Variants in RASSF8 observed in about 807,000 individuals in gnomAD.
The protein encoded by RASSF8 is Ras association domain family member 8, also known as ras association domain-containing protein 8.
In RASSF8, 22 loss-of-function variants were observed where a neutral mutation model predicts 48.5. The ratio of observed to expected loss-of-function variants is 0.45; its 90% CI spans 0.32 to 0.65. The LOEUF (loss-of-function observed/expected upper bound fraction) is 0.65. Ranked by LOEUF, RASSF8 falls within the 30% of genes least tolerant of loss-of-function variation. The probability of loss-of-function intolerance (pLI) is 0.03; values close to 1 mark genes in which losing one functional copy is unlikely to be tolerated. For synonymous variants in RASSF8, 127 were observed against 171.5 expected, an observed-to-expected ratio of 0.74 and a Z score of 2.03; for missense variants, 418 against 489.2, an observed-to-expected ratio of 0.85 and a Z score of 1.37.
At position 26,051,576 on chromosome 12, in the gene RASSF8, C is replaced by T. The variant is rs570556857; in HGVS notation, c.-108-3660C>T. The stretch of plus-strand genomic sequence containing the variant: ...TTGGCAGACCAAAATTTACCCAAAT[C>T]GTTAATTCAGAAATAAGTGCTATTC... On this transcript the variant is annotated intron_variant, in intron 2 of 5. Transcript: ENST00000689635. 2.0e-5 allele frequency among the ~76,000 whole-genome samples: 3 copies of T among 152,174 alleles called. No homozygotes were observed. In the East Asian group the frequency reaches 5.8e-4, roughly 29 times the overall value.
intron 2 of RASSF8, among the ~76,000 whole-genome samples, chr12:26,032,616 T>C (rs1487026001): frequency 2.0e-5 from 3 of 152,176 alleles, no homozygotes; most frequent in East Asian, 1.9e-4. Flanking sequence ...TATATTTACC[T>C]GCAATTTATA....
intron 2 of RASSF8, among the ~76,000 whole-genome samples, chr12:26,004,179 A>G (rs1178732753): frequency 1.3e-5 from 2 of 152,188 alleles, no homozygotes; most frequent in Non-Finnish European, 2.9e-5. Flanking sequence ...CCTGTCTCAA[A>G]CATAAAAAAC....
chr12:26,055,742 A>G (rs74071684), intron 3 of RASSF8, among the ~76,000 whole-genome samples: 2,140 of 152,328 alleles, frequency 0.014, 48 homozygotes, highest in African/African-American at 0.05. Flanking sequence ...ATGAGCCAAA[A>G]TTTAGACCCA....
At chr12:26,012,864 C>T (rs544745814) in intron 2 of RASSF8, among the ~76,000 whole-genome samples, 4 of 151,862 alleles carry the variant, frequency 2.6e-5, no homozygotes, top group South Asian at 4.2e-4. Flanking sequence ...TTTGTAAAGA[C>T]GGAGTCTCAC....
At chr12:25,962,207 A>G (rs911476592) in intron 1 of RASSF8, among the ~76,000 whole-genome samples, 1 of 152,158 alleles carries the variant, frequency 6.6e-6, no homozygotes, top group African/African-American at 2.4e-5. Context: ...TCTTGCTGTC[A>G]TCTTGGCCAG....
exon 6 of RASSF8, chr12:26,079,773 C>T (rs1944101966): frequency 6.6e-6 from 1 of 152,036 alleles, no homozygotes; most frequent in Admixed American, 6.6e-5. Flanking sequence ...CAAGTGTCAG[C>T]AAGGGTCTGG....
chr12:26,074,042 GAAACTT>G (rs1212050795), downstream of RASSF8, among the ~76,000 whole-genome samples: 2 of 151,940 alleles, frequency 1.3e-5, no homozygotes, highest in Non-Finnish European at 2.9e-5. Context: ...GATGAAATGA[GAAACTT>G]AAAGTCATTC....
chr12:26,040,478 A>C (rs1406305795), intron 2 of RASSF8, among the ~76,000 whole-genome samples: 3 of 152,216 alleles, frequency 2.0e-5, no homozygotes, highest in Non-Finnish European at 2.9e-5. Context: ...AGTTTGGAAG[A>C]GGCAGGAAAG....
intron 4 of RASSF8, among the ~76,000 whole-genome samples, chr12:26,066,563 T>C (rs1943879165): frequency 6.6e-6 from 1 of 152,224 alleles, no homozygotes; most frequent in African/African-American, 2.4e-5. Flanking sequence ...CTATTGGGAT[T>C]CATTTTGACA....
At chr12:26,000,634 A>T (rs1326475368) in intron 2 of RASSF8, among the ~76,000 whole-genome samples, 1 of 152,198 alleles carries the variant, frequency 6.6e-6, no homozygotes, top group African/African-American at 2.4e-5. Flanking sequence ...CCTAGATGGT[A>T]TAGCCTCCTA....
At chr12:25,960,046 A>AT (rs1443179048) in intron 1 of RASSF8, among the ~76,000 whole-genome samples, 1 of 150,328 alleles carries the variant, frequency 6.7e-6, no homozygotes, top group African/African-American at 2.5e-5. Context: ...AAAGCATTTC[A>AT]TTAAAAAAAA....
chr12:26,023,870 A>C (rs1942844284), intron 2 of RASSF8, among the ~76,000 whole-genome samples: 1 of 152,244 alleles, frequency 6.6e-6, no homozygotes. Flanking sequence ...TAGGTGATGC[A>C]AAGATGTATT....
At chr12:25,969,650 G>A (rs1187603473) in intron 1 of RASSF8, among the ~76,000 whole-genome samples, 1 of 152,118 alleles carries the variant, frequency 6.6e-6, no homozygotes, top group East Asian at 1.9e-4. Flanking sequence ...TGGCGGGGTG[G>A]CTGGAGGATT....
At chr12:26,003,789 A>T (rs979979440) in intron 2 of RASSF8, among the ~76,000 whole-genome samples, 3 of 152,114 alleles carry the variant, frequency 2.0e-5, no homozygotes, top group African/African-American at 2.4e-5. Flanking sequence ...TTTTTAAAAA[A>T]ATCTAAGGTT....
chr12:26,022,875 G>A (rs929914834), intron 2 of RASSF8, among the ~76,000 whole-genome samples: 15 of 152,196 alleles, frequency 9.9e-5, no homozygotes, highest in African/African-American at 3.6e-4. Context: ...CCGAGTAGCT[G>A]GGATTACAGG....
At chr12:25,985,435 T>C (rs961103194) in intron 1 of RASSF8, among the ~76,000 whole-genome samples, 8 of 152,182 alleles carry the variant, frequency 5.3e-5, no homozygotes, top group African/African-American at 1.9e-4. Context: ...TTTAGTTTGG[T>C]GCCTTTCAGA....
chr12:26,052,116 C>T (rs1005173181), intron 2 of RASSF8, among the ~76,000 whole-genome samples: 5 of 152,216 alleles, frequency 3.3e-5, no homozygotes, highest in African/African-American at 1.2e-4. Context: ...AAAACTTTCA[C>T]ACCCTGTGCG....
chr12:26,019,695 A>G (rs1412626461), intron 2 of RASSF8, among the ~76,000 whole-genome samples: 1 of 152,120 alleles, frequency 6.6e-6, no homozygotes, highest in Non-Finnish European at 1.5e-5. Context: ...ATCACTTTGC[A>G]GAAGGGTACC....
At position 26,072,814 on chromosome 12, in the gene RASSF8, A is replaced by C; in HGVS notation, c.*3996A>C. Reference sequence around the variant, plus strand: ...TCTGATCATTATGAGCTGTAAAACAAAGAATCAATATTGGATATTCTCCCA... The same window carrying C: ...TCTGATCATTATGAGCTGTAAAACACAGAATCAATATTGGATATTCTCCCA... On this transcript the variant is annotated 3_prime_UTR_variant, in exon 6 of 6. Transcript: ENST00000689635. 1.1e-6 allele frequency: 1 copy of C among 914,674 alleles called. No homozygotes were observed. The allele number at this position is 914,674 out of a possible 1,614,324, so 56.7% of individuals were successfully genotyped here.
Sources: allele counts gnomAD v4.1 joint callset (sites outside exome capture counted in the v4.1 genomes callset), GRCh38; gene constraint gnomAD v4.1.1; transcripts MANE v1.5; gene names NCBI Gene and HGNC (gene_info 2026-07-23, HGNC 2026-07-21).